MRPS7: variants seen among roughly 807,000 people sequenced by gnomAD.
MRPS7 encodes mitochondrial ribosomal protein S7.
MRPS7 carries 13 observed loss-of-function variants against 26.2 expected under a neutral mutation model. The observed-to-expected ratio is 0.50, with a 90% CI of 0.32 to 0.79. The LOEUF (loss-of-function observed/expected upper bound fraction) is 0.79, where lower values mean the gene tolerates loss of function less well. MRPS7 is among the 30% of genes least tolerant of loss of function. The pLI is 0.03. For synonymous variants in MRPS7, 129 were observed against 113.3 expected, an observed-to-expected ratio of 1.14 and a Z score of -0.88; for missense variants, 318 against 312.2, an observed-to-expected ratio of 1.02 and a Z score of -0.14.
At chr17:75,263,268 C>A (rs903002140) in intron 3 of MRPS7, 72 bp from the exon 4 acceptor site, 1 of 1,574,284 alleles carries the variant, frequency 6.4e-7, no homozygotes, top group South Asian at 1.1e-5. Context: ...GAGTAAAGGG[C>A]AAGGTACTAG....
In MRPS7 at chr17:75,265,720, G is replaced by T. The variant is rs762459794; in HGVS notation, c.526G>T (p.Asp176Tyr). 18 of 1,613,898 alleles carry T rather than the reference G, an allele frequency of 1.1e-5. No homozygotes were observed. The South Asian group carries it at 2.0e-4, about 18-fold the overall frequency. ...RFYQVPVPLP[D>Y]RRRRFLAMKW... ...CACCCAGGTCCCTGTACCCCTACCC[G>T]ACCGGCGTCGCCGCTTCCTAGCCAT... The change falls in exon 5 of 5, where the codon GAC becomes TAC. Residue 176 changes from aspartate to tyrosine, a missense_variant. Asp to Tyr is a radical substitution (Grantham distance 160, BLOSUM62 -3). Transcript: ENST00000245539.
chr17:75,265,908 C>CTA lies in MRPS7; in HGVS notation c.715_716dup (p.Arg240ThrfsTer38). 1 of 1,613,740 alleles carries CTA rather than the reference C, an allele frequency of 6.2e-7. No individual in the cohort carries two copies. Among genetic ancestry groups the CTA allele is most frequent in the East Asian group, 2.2e-5 (1 of 44,882 alleles). ...CAGAGGCCAACCGTGCCCTGGCCCA[C>CTA]TACCGCTGGTGGTAGAGTCTCCAGG... On this transcript the variant is annotated frameshift_variant, in exon 5 of 5. Coordinates refer to ENST00000245539, the MANE Select transcript of MRPS7 (RefSeq NM_015971.4). LOFTEE classifies it high-confidence loss of function.
chr17:75,265,590 C>T, intron 4 of MRPS7, 112 bp from the exon 5 acceptor site: 2 of 926,226 alleles, frequency 2.2e-6, no homozygotes, highest in Admixed American at 4.2e-5. Flanking sequence ...CCAGGCCTGA[C>T]CAGGGCTGGT....
At chr17:75,263,146 A>C in intron 3 of MRPS7, 194 bp from the exon 4 acceptor site, 1 of 682,970 alleles carries the variant, frequency 1.5e-6, no homozygotes, top group South Asian at 2.0e-5. Flanking sequence ...CCATGCCACA[A>C]ATCTCAATCC....
chr17:75,262,130 C>T (rs1437333206), intron 1 of MRPS7, 147 bp downstream of exon 1: 7 of 967,584 alleles, frequency 7.2e-6, no homozygotes, highest in Non-Finnish European at 1.1e-5. Flanking sequence ...GACCCTGCGC[C>T]AATCCGAAGG....
intron 1 of MRPS7, 57 bp downstream of exon 1, chr17:75,262,040 G>C: frequency 6.3e-7 from 1 of 1,586,426 alleles, no homozygotes; most frequent in South Asian, 1.1e-5. Context: ...GGGGGCCACA[G>C]GCAGGCCGCG....
In MRPS7 at chr17:75,266,079, TTC is replaced by T. The variant is rs2077478029; in HGVS notation, c.*158_*159del. On this transcript the variant is annotated 3_prime_UTR_variant, in exon 5 of 5. Transcript: ENST00000245539. ...CAGCATATTCACTATCCGTTAATCC[TTC>T]TTTCTTTGAGGCTGGAACTTGCTCT... is the stretch of plus-strand genomic sequence containing the variant. 1 of 666,498 alleles carries T rather than the reference TTC, an allele frequency of 1.5e-6. No individual in the cohort carries two copies. The highest frequency in any genetic ancestry group is 1.8e-5 in the African/African-American group (1 of 55,220). 41.3% of individuals were successfully genotyped at this position (666,498 alleles called of 1,614,324 possible).
At chr17:75,264,727 C>T (rs1223214903) in intron 4 of MRPS7, among the ~76,000 whole-genome samples, 1 of 148,214 alleles carries the variant, frequency 6.7e-6, no homozygotes, top group Non-Finnish European at 1.5e-5. Flanking sequence ...GACTGGAGTG[C>T]AGTGCTGTAA....
chr17:75,265,885 G>A lies in MRPS7; in HGVS notation c.691G>A (p.Glu231Lys), dbSNP rs2077474854. The A allele has an allele frequency of 1.2e-6, 2 of 1,614,008 alleles. No individual in the cohort carries two copies. Among genetic ancestry groups the A allele is most frequent in the South Asian group, 2.2e-5 (2 of 91,088 alleles). Residue 231 changes from glutamate to lysine, a missense_variant, in exon 5 of 5, where the codon GAG becomes AAG. Transcript: ENST00000245539. ...KRKHDLHKMA[E>K]ANRALAHYRW... Reference sequence around the variant, plus strand: ...GAAGCATGACTTGCACAAGATGGCAGAGGCCAACCGTGCCCTGGCCCACTA... The same window carrying A: ...GAAGCATGACTTGCACAAGATGGCAAAGGCCAACCGTGCCCTGGCCCACTA...
rs1313195925 is a variant in MRPS7 at position 75,262,102 on chromosome 17, C to T, written c.83+119C>T. ...GGGGGCCGGAGTATCTGGATTCAAG[C>T]TTCTAAGTTAGCTGCGTGACCCTGC... is the stretch of plus-strand genomic sequence containing the variant. On this transcript the variant is annotated intron_variant, in intron 1 of 4. Transcript: ENST00000245539. 1.1e-5 allele frequency: 13 copies of T among 1,229,374 alleles called. No homozygotes were observed. In the South Asian group the frequency reaches 1.3e-4, roughly 12 times the overall value. The allele number at this position is 1,229,374 out of a possible 1,614,324, so 76.2% of individuals were successfully genotyped here. A position where few individuals can be genotyped will look rare whatever the true frequency, so the allele number is the denominator to read the frequency against.
Position 75,265,869 on chromosome 17 carries a change from C to G in MRPS7, c.675C>G (p.Asp225Glu). Reference sequence around the variant, plus strand: ...GCCCCGTGATCAAGAGGAAGCATGACTTGCACAAGATGGCAGAGGCCAACC... The same window carrying G: ...GCCCCGTGATCAAGAGGAAGCATGAGTTGCACAAGATGGCAGAGGCCAACC... ...NQGPVIKRKH[D>E]LHKMAEANRA... The change falls in exon 5 of 5, where the codon GAC (aspartate) becomes GAG (glutamate). Residue 225 changes from aspartate to glutamate, a missense_variant. Asp to Glu is a conservative substitution (Grantham distance 45). Coordinates refer to ENST00000245539, the MANE Select transcript of MRPS7 (RefSeq NM_015971.4). The G allele has an allele frequency of 6.2e-7, 1 of 1,614,124 alleles. No individual in the cohort carries two copies.
chr17:75,261,918 G>A lies in MRPS7; in HGVS notation c.18G>A (p.Val6=). The change falls in exon 1 of 5, where the codon GTG becomes GTA. Residue 6 remains valine (V), a synonymous_variant. Transcript: ENST00000245539. Reference sequence around the variant, plus strand: ...CAGCCAAGATGGCTGCCCCCGCAGTGAAGGTTGCCCGAGGATGGTCGGGCC... The same window carrying A: ...CAGCCAAGATGGCTGCCCCCGCAGTAAAGGTTGCCCGAGGATGGTCGGGCC... MAAPA[V]KVARGWSGLA... is the part of the protein sequence containing the mutation. 2 of 1,609,174 alleles carry A rather than the reference G, an allele frequency of 1.2e-6. No individual in the cohort carries two copies. Among genetic ancestry groups the A allele is most frequent in the East Asian group, 4.5e-5 (2 of 44,858 alleles).
In MRPS7 at chr17:75,262,487, C is replaced by G. The variant is rs760542470; in HGVS notation, c.84-10C>G. On this transcript the variant is annotated splice_polypyrimidine_tract_variant and intron_variant, in intron 1 of 4. Transcript: ENST00000245539. ...GCTTTTGCCTGCCTCCTCCTTTCCC[C>G]CCCTCCCAGGCTAACTCAGGTGAGA... is the stretch of plus-strand genomic sequence containing the variant. 2 of 1,612,060 alleles carry G rather than the reference C, an allele frequency of 1.2e-6. No homozygotes were observed. The highest frequency in any genetic ancestry group is 2.7e-5 in the African/African-American group (2 of 74,848).
intron 3 of MRPS7, 76 bp from the exon 4 acceptor site, chr17:75,263,264 A>G: frequency 1.9e-6 from 3 of 1,564,280 alleles, no homozygotes; most frequent in Non-Finnish European, 2.6e-6. Context: ...ATGGGAGTAA[A>G]GGGCAAGGTA....
At chr17:75,262,155 C>G (rs2077410964) in intron 1 of MRPS7, 172 bp downstream of exon 1, 1 of 785,642 alleles carries the variant, frequency 1.3e-6, no homozygotes, top group Non-Finnish European at 2.0e-6. Context: ...GTGACTACCT[C>G]TCGCCTAAGG....
At chr17:75,265,667 C>A (rs780276123) in intron 4 of MRPS7, 35 bp from the exon 5 acceptor site, 1 of 1,589,132 alleles carries the variant, frequency 6.3e-7, no homozygotes, top group Non-Finnish European at 8.6e-7. Flanking sequence ...CTGGCAGACT[C>A]TTGGACCAAC....
chr17:75,263,569 C>T (rs1411024305), intron 4 of MRPS7, 62 bp downstream of exon 4: 1 of 1,597,678 alleles, frequency 6.3e-7, no homozygotes, highest in African/African-American at 1.3e-5. Context: ...ATAGGTGGTG[C>T]TTGGGAGTTG....
rs565288691 is a variant in MRPS7, at chr17:75,266,213, A to G, written c.*290A>G. On this transcript the variant is annotated 3_prime_UTR_variant, in exon 5 of 5. Coordinates refer to ENST00000245539, the MANE Select transcript of MRPS7 (RefSeq NM_015971.4). ...CTTAGGTTGGGGCGGACCTTTGGAT[A>G]TATAAAGGAAGCAGTTTTAGTATCA... 1 of 458,552 alleles carries G rather than the reference A, an allele frequency of 2.2e-6. No individual in the cohort carries two copies. Among genetic ancestry groups the G allele is most frequent in the African/African-American group, 2.0e-5 (1 of 51,068 alleles). 28.4% of individuals were successfully genotyped at this position (458,552 alleles called of 1,614,324 possible). A position where few individuals can be genotyped will look rare whatever the true frequency, so the allele number is the denominator to read the frequency against.
At chr17:75,264,342 G>A (rs1217553653) in intron 4 of MRPS7, 1 of 152,194 alleles carries the variant, frequency 6.6e-6, no homozygotes, top group African/African-American at 2.4e-5. Flanking sequence ...GTCCTAACCT[G>A]TAAAATTCTC....
Sources: allele counts gnomAD v4.1 joint callset (sites outside exome capture counted in the v4.1 genomes callset), GRCh38; gene constraint gnomAD v4.1.1; transcripts MANE v1.5; gene names NCBI Gene and HGNC (gene_info 2026-07-23, HGNC 2026-07-21).